Variants in FAM13C observed in about 807,000 individuals in gnomAD.
FAM13C encodes the protein family with sequence similarity 13 member C.
Under a neutral mutation model 73.2 loss-of-function variants are expected in FAM13C, and 37 were observed. The observed-to-expected ratio is 0.51, with a 90% CI of 0.39 to 0.67. FAM13C has a LOEUF of 0.67. FAM13C is among the 30% of genes least tolerant of loss of function. FAM13C has a pLI of 0.00. For synonymous variants in FAM13C, 246 were observed against 260.9 expected, an observed-to-expected ratio of 0.94 and a Z score of 0.55; for missense variants, 589 against 715.6, an observed-to-expected ratio of 0.82 and a Z score of 2.02.
At chr10:59,346,856 G>A (rs1257633833) in intron 3 of FAM13C, among the ~76,000 whole-genome samples, 1 of 152,046 alleles carries the variant, frequency 6.6e-6, no homozygotes, top group Non-Finnish European at 1.5e-5. Context: ...TCTCCTTTTT[G>A]GAAAGGGTGT....
At chr10:59,291,438 C>T (rs1317354438) in intron 5 of FAM13C, among the ~76,000 whole-genome samples, 1 of 152,198 alleles carries the variant, frequency 6.6e-6, no homozygotes, top group Non-Finnish European at 1.5e-5. Flanking sequence ...TCAGCTCAGC[C>T]CGCCCCAGCT....
At chr10:59,330,736 T>A (rs1318296756) in intron 3 of FAM13C, among the ~76,000 whole-genome samples, 1 of 152,068 alleles carries the variant, frequency 6.6e-6, no homozygotes, top group Non-Finnish European at 1.5e-5. Flanking sequence ...CTTGCACAGG[T>A]CTCCAACTCT....
intron 4 of FAM13C, among the ~76,000 whole-genome samples, chr10:59,306,754 A>G (rs1335967728): frequency 2.6e-5 from 4 of 152,238 alleles, no homozygotes; most frequent in Non-Finnish European, 4.4e-5. Flanking sequence ...GTGCACCTGT[A>G]ATCCCAGCTA....
chr10:59,324,419 T>C (rs1017567156), intron 3 of FAM13C, among the ~76,000 whole-genome samples: 3 of 152,046 alleles, frequency 2.0e-5, no homozygotes, highest in African/African-American at 7.2e-5. Flanking sequence ...GATGAATAGA[T>C]ACATCTGAAA....
intron 4 of FAM13C, among the ~76,000 whole-genome samples, chr10:59,323,061 T>G (rs1281150749): frequency 6.6e-6 from 1 of 152,238 alleles, no homozygotes; most frequent in East Asian, 1.9e-4. Context: ...AAAGTACAAC[T>G]GCATAGCACA....
At chr10:59,269,427 CA>C (rs1398374327) in intron 7 of FAM13C, among the ~76,000 whole-genome samples, 1 of 151,618 alleles carries the variant, frequency 6.6e-6, no homozygotes. Context: ...TACACACACA[CA>C]CACACACACA....
chr10:59,336,763 T>G (rs1268291716), intron 3 of FAM13C, among the ~76,000 whole-genome samples: 1 of 152,194 alleles, frequency 6.6e-6, no homozygotes, highest in Non-Finnish European at 1.5e-5. Context: ...AACTCCCTCT[T>G]ATGGTAAAAG....
chr10:59,285,208 C>G (rs1444820978), intron 5 of FAM13C, among the ~76,000 whole-genome samples: 4 of 152,178 alleles, frequency 2.6e-5, no homozygotes, highest in African/African-American at 7.2e-5. Context: ...TCTGGGAGCC[C>G]ATAGCTCACG....
chr10:59,309,900 T>C (rs1406623528), intron 4 of FAM13C, among the ~76,000 whole-genome samples: 3 of 152,152 alleles, frequency 2.0e-5, no homozygotes, highest in Non-Finnish European at 4.4e-5. Context: ...CCAATTCTTA[T>C]ATATTTCTGA....
intron 11 of FAM13C, chr10:59,254,129 T>C: frequency 2.5e-6 from 1 of 396,292 alleles, no homozygotes; most frequent in Non-Finnish European, 4.5e-6. Context: ...GACATACAAG[T>C]GCTATATGTT....
Position 59,360,551 on chromosome 10 carries a change from GC to G in FAM13C, c.62+1847del, listed in dbSNP as rs1481684959. On this transcript the variant is annotated intron_variant, in intron 1 of 13. Transcript: ENST00000618804. ...GGGCTATGGGGTCATGCCCAGAGAA[GC>G]ACGGGATATGGGTCATATTACTGAG... Among the ~76,000 whole-genome samples the G allele has an allele frequency of 3.3e-5, 5 of 152,136 alleles. No homozygotes were observed. The East Asian group carries it at 7.7e-4, about 23-fold the overall frequency.
chr10:59,322,273 A>C (rs1293185938), intron 4 of FAM13C, among the ~76,000 whole-genome samples: 1 of 152,206 alleles, frequency 6.6e-6, no homozygotes, highest in Non-Finnish European at 1.5e-5. Flanking sequence ...ACTGTAGTTT[A>C]AAGGTTACTT....
chr10:59,251,703 A>G, intron 12 of FAM13C, 27 bp from the exon 13 acceptor site: 1 of 1,501,128 alleles, frequency 6.7e-7, no homozygotes, highest in Non-Finnish European at 9.1e-7. Flanking sequence ...ACTTGTCATT[A>G]CTGGGCACTG....
At chr10:59,309,490 A>G (rs1848677398) in intron 4 of FAM13C, among the ~76,000 whole-genome samples, 1 of 152,162 alleles carries the variant, frequency 6.6e-6, no homozygotes, top group African/African-American at 2.4e-5. Context: ...TCTGAACTCC[A>G]GCTACACTGG....
At chr10:59,301,847 T>A (rs939107866) in intron 5 of FAM13C, among the ~76,000 whole-genome samples, 1 of 152,256 alleles carries the variant, frequency 6.6e-6, no homozygotes, top group Non-Finnish European at 1.5e-5. Context: ...ACTTTAGCTA[T>A]TTAACTTGGC....
At chr10:59,348,044 A>G (rs1274660238) in intron 3 of FAM13C, among the ~76,000 whole-genome samples, 1 of 152,202 alleles carries the variant, frequency 6.6e-6, no homozygotes, top group East Asian at 1.9e-4. Context: ...TAACCTGGTT[A>G]GGATCAGACT....
chr10:59,295,562 A>G (rs1349238550), intron 5 of FAM13C, among the ~76,000 whole-genome samples: 1 of 152,162 alleles, frequency 6.6e-6, no homozygotes, highest in Admixed American at 6.5e-5. Flanking sequence ...ACCTCCAGAT[A>G]AGAAACTACC....
chr10:59,306,309 T>G (rs1450142745), intron 4 of FAM13C, among the ~76,000 whole-genome samples: 1 of 152,182 alleles, frequency 6.6e-6, no homozygotes, highest in Non-Finnish European at 1.5e-5. Context: ...TCACATGATC[T>G]TCCAAGGAAA....
rs181717196 is a variant in FAM13C, at chr10:59,324,620, A to G, written c.325-514T>C. On this transcript the variant is annotated intron_variant, in intron 3 of 13. Coordinates refer to ENST00000618804, the MANE Select transcript of FAM13C (RefSeq NM_198215.4). The stretch of plus-strand genomic sequence containing the variant: ...TTTATTTATTTTTGGGAGCCCATAT[A>G]TATTTTCTAAGTTTTCTACAATAAA... 3.7e-4 allele frequency among the ~76,000 whole-genome samples: 57 copies of G among 152,264 alleles called. No individual in the cohort carries two copies. In the East Asian group the frequency reaches 0.011, roughly 29 times the overall value.
Sources: allele counts gnomAD v4.1 joint callset (sites outside exome capture counted in the v4.1 genomes callset), GRCh38; gene constraint gnomAD v4.1.1; transcripts MANE v1.5; gene names NCBI Gene and HGNC (gene_info 2026-07-23, HGNC 2026-07-21).